The following ACSS3 variants were observed in gnomAD, a reference collection of about 807,000 sequenced individuals.
The protein encoded by ACSS3 is acyl-CoA synthetase short chain family member 3.
A neutral mutation model predicts 84.2 loss-of-function variants in ACSS3; 64 were observed. The observed-to-expected ratio is 0.76, with a 90% CI of 0.62 to 0.94. The LOEUF is 0.94. Among genes scored for constraint, ACSS3 ranks in the 40% least tolerant of loss-of-function variants. ACSS3 has a pLI of 0.00. For missense variants in ACSS3, 815 were observed against 867.6 expected (o/e 0.94, Z 0.76); for synonymous variants, 317 against 310.1 (o/e 1.02, Z -0.23).
intron 1 of ACSS3, among the ~76,000 whole-genome samples, chr12:81,099,213 A>G (rs1193794002): frequency 1.3e-5 from 2 of 152,008 alleles, no homozygotes; most frequent in Non-Finnish European, 2.9e-5. Context: ...GCTTTGGTTG[A>G]TTCTACTTTA....
At chr12:81,230,731 T>A (rs934955418) in intron 11 of ACSS3, among the ~76,000 whole-genome samples, 1 of 151,920 alleles carries the variant, frequency 6.6e-6, no homozygotes. Flanking sequence ...AGAAAGTAAT[T>A]CAATGACACG....
chr12:81,207,497 C>T (rs536674587), intron 9 of ACSS3, among the ~76,000 whole-genome samples: 2 of 152,258 alleles, frequency 1.3e-5, no homozygotes, highest in South Asian at 4.1e-4. Context: ...TAATTGAAAG[C>T]TTTAAGTGAA....
intron 7 of ACSS3, among the ~76,000 whole-genome samples, chr12:81,172,593 A>G (rs2030155552): frequency 6.6e-6 from 1 of 151,394 alleles, no homozygotes; most frequent in Admixed American, 6.6e-5. Flanking sequence ...CCAAGATTGC[A>G]CCACTGCACT....
intron 2 of ACSS3, among the ~76,000 whole-genome samples, chr12:81,115,059 T>A (rs1244613947): frequency 6.6e-6 from 1 of 152,194 alleles, no homozygotes; most frequent in Non-Finnish European, 1.5e-5. Flanking sequence ...TTCATTCATT[T>A]CATTGCAAGA....
chr12:81,133,279 A>G (rs1401081719), intron 2 of ACSS3, among the ~76,000 whole-genome samples: 1 of 152,148 alleles, frequency 6.6e-6, no homozygotes, highest in Non-Finnish European at 1.5e-5. Flanking sequence ...GAAAGGAGCC[A>G]TAAATAGACA....
At chr12:81,084,030 A>C (rs1881163163) in intron 1 of ACSS3, among the ~76,000 whole-genome samples, 1 of 152,160 alleles carries the variant, frequency 6.6e-6, no homozygotes, top group African/African-American at 2.4e-5. Flanking sequence ...CTGCACAGCA[A>C]CACTCGGCTG....
intron 11 of ACSS3, among the ~76,000 whole-genome samples, chr12:81,226,053 C>T (rs146171643): frequency 0.012 from 1,860 of 151,960 alleles, 18 homozygotes; most frequent in African/African-American, 0.023. Context: ...TATAGTCTAA[C>T]CTTACTGTCT....
intron 9 of ACSS3, 36 bp from the exon 10 acceptor site, chr12:81,216,865 A>G (rs781379165): frequency 6.4e-7 from 1 of 1,552,144 alleles, no homozygotes; most frequent in South Asian, 1.1e-5. Flanking sequence ...ATTCCAAGTT[A>G]AAACATGAAG....
At chr12:81,134,475 G>A (rs925861016) in intron 2 of ACSS3, among the ~76,000 whole-genome samples, 1 of 152,088 alleles carries the variant, frequency 6.6e-6, no homozygotes, top group Non-Finnish European at 1.5e-5. Context: ...GGACAATTCT[G>A]TGTCTTTCTT....
chr12:81,244,786 CT>C (rs1017334316), intron 13 of ACSS3, among the ~76,000 whole-genome samples: 25 of 152,108 alleles, frequency 1.6e-4, no homozygotes, highest in African/African-American at 6.0e-4. Flanking sequence ...AAGTTGTCTA[CT>C]TTTTCCATTA....
intron 11 of ACSS3, among the ~76,000 whole-genome samples, chr12:81,222,337 GA>G (rs1239362517): frequency 1.3e-5 from 2 of 151,798 alleles, no homozygotes; most frequent in Non-Finnish European, 2.9e-5. Flanking sequence ...GAAATAATCG[GA>G]AAACAAAGGT....
chr12:81,197,141 C>T (rs1057425003), intron 8 of ACSS3, among the ~76,000 whole-genome samples: 1 of 151,864 alleles, frequency 6.6e-6, no homozygotes, highest in African/African-American at 2.4e-5. Flanking sequence ...TTTTGACATC[C>T]TTATAGATTT....
chr12:81,137,098 A>G (rs940628784), intron 3 of ACSS3, among the ~76,000 whole-genome samples: 3 of 151,802 alleles, frequency 2.0e-5, no homozygotes, highest in East Asian at 3.9e-4. Context: ...AAAACAAGAA[A>G]GCTGATTTGT....
At chr12:81,102,761 G>C (rs11114767) in intron 1 of ACSS3, among the ~76,000 whole-genome samples, 1 of 151,304 alleles carries the variant, frequency 6.6e-6, no homozygotes, top group Non-Finnish European at 1.5e-5. Flanking sequence ...CCTGGGAGAC[G>C]GAGGTTGCAG....
Position 81,078,162 on chromosome 12 carries a change from C to CG in ACSS3, c.48dup (p.Leu17AlafsTer95). 2.6e-6 allele frequency: 4 copies of CG among 1,517,424 alleles called. No individual in the cohort carries two copies. The highest frequency in any genetic ancestry group is 2.5e-5 in the Admixed American group (1 of 39,852). The allele number at this position is 1,517,424 out of a possible 1,614,324, so 94.0% of individuals were successfully genotyped here. On this transcript the variant is annotated frameshift_variant, in exon 1 of 16. Transcript: ENST00000548058. LOFTEE classifies it high-confidence loss of function. Reference sequence around the variant, plus strand: ...TGCAGTGTCGTAAAGTCACCAGCGCCGGGGGGCTCGGAGGGCCCTTGCCTG... The same window carrying CG: ...TGCAGTGTCGTAAAGTCACCAGCGCCGGGGGGGCTCGGAGGGCCCTTGCCTG...
chr12:81,144,360 T>TGTA (rs1886226635), intron 5 of ACSS3, among the ~76,000 whole-genome samples: 1 of 152,218 alleles, frequency 6.6e-6, no homozygotes. Context: ...TTTGTTTCAT[T>TGTA]GTAGAATTGA....
Position 81,134,999 on chromosome 12 carries a change from G to T in ACSS3, c.640G>T (p.Val214Leu). The change falls in exon 3 of 16, where the codon GTA becomes TTA. Residue 214 changes from valine (V) to leucine (L), a missense_variant. Transcript: ENST00000548058. Reference protein sequence around the residue: ...SKELSSRIDHVKPKVVVTASF... With the variant: ...SKELSSRIDHLKPKVVVTASF... ...AGAACTAAGTAGTCGCATTGATCAT[G>T]TAAAGGTAAGTGCTTTATTTTGGGA... 2 of 1,591,592 alleles carry T rather than the reference G, an allele frequency of 1.3e-6. No individual in the cohort carries two copies. The highest frequency in any genetic ancestry group is 1.7e-6 in the Non-Finnish European group (2 of 1,167,332).
rs148686514 is a variant in ACSS3, at chr12:81,146,561, C to A, written c.921+3314C>A. ...GTTCTTTGGTTAGAATTTGTAGATA[C>A]ATTTAAAGCATATTTGCATATCAGC... is the stretch of plus-strand genomic sequence containing the variant. On this transcript the variant is annotated intron_variant, in intron 5 of 15. Transcript: ENST00000548058. 1.0e-2 allele frequency among the ~76,000 whole-genome samples: 1,519 copies of A among 152,284 alleles called. 14 individuals are homozygous for A. Among genetic ancestry groups the A allele is most frequent in the Non-Finnish European group, 0.015 (1,051 of 68,018 alleles).
chr12:81,166,329 C>T (rs1354405194), intron 7 of ACSS3, among the ~76,000 whole-genome samples: 1 of 152,144 alleles, frequency 6.6e-6, no homozygotes, highest in East Asian at 1.9e-4. Context: ...AACTGAAGTA[C>T]TACAGTAGGA....
Sources: gnomAD v4.1 joint callset for allele counts (sites outside exome capture counted in the v4.1 genomes callset) on GRCh38, gnomAD v4.1.1 for gene constraint, MANE v1.5 for transcripts, NCBI Gene and HGNC (gene_info 2026-07-23, HGNC 2026-07-21) for gene names.